The following TMBIM4 variants were observed in gnomAD, a reference collection of about 807,000 sequenced individuals.
TMBIM4 encodes the protein transmembrane BAX inhibitor motif containing 4.
Under a neutral mutation model 27.7 loss-of-function variants are expected in TMBIM4, and 28 were observed. The observed-to-expected ratio is 1.01, with a 90% confidence interval of 0.75 to 1.38. TMBIM4 has a LOEUF of 1.38. Among genes scored for constraint, TMBIM4 ranks in the 40% most tolerant of loss-of-function variants. TMBIM4 has a pLI of 0.00. For synonymous variants in TMBIM4, 115 were observed against 113.1 expected (o/e 1.02, Z -0.11); for missense variants, 265 against 277.5 (o/e 0.95, Z 0.32).
At chr12:66,144,606 A>G (rs2051721317) in intron 5 of TMBIM4, 1 of 152,168 alleles carries the variant, frequency 6.6e-6, no homozygotes, top group Non-Finnish European at 1.5e-5. Flanking sequence ...TTTAGTTTCA[A>G]GTGGACCCAA....
chr12:66,157,285 G>C (rs993778031), intron 1 of TMBIM4, among the ~76,000 whole-genome samples: 15 of 152,050 alleles, frequency 9.9e-5, no homozygotes, highest in South Asian at 2.1e-4. Flanking sequence ...AGGAAAGTGA[G>C]GTCTCCTGCC....
intron 1 of TMBIM4, among the ~76,000 whole-genome samples, chr12:66,165,100 T>C (rs1008095689): frequency 5.9e-5 from 9 of 152,218 alleles, no homozygotes; most frequent in African/African-American, 9.6e-5. Context: ...TCCATCATTA[T>C]ACATTGGAAA....
At chr12:66,166,061 TC>T (rs2052121164) in intron 1 of TMBIM4, among the ~76,000 whole-genome samples, 1 of 152,218 alleles carries the variant, frequency 6.6e-6, no homozygotes, top group Admixed American at 6.5e-5. Context: ...AGGACTTCGA[TC>T]TTTTTTGAGG....
chr12:66,163,592 A>T (rs12814331), intron 1 of TMBIM4, among the ~76,000 whole-genome samples: 11,307 of 152,192 alleles, frequency 0.074, 841 homozygotes, highest in East Asian at 0.44. Flanking sequence ...CAAGAACAGC[A>T]TGAAGGTAAC....
chr12:66,158,097 G>A (rs1592550073), intron 1 of TMBIM4, among the ~76,000 whole-genome samples: 2 of 151,804 alleles, frequency 1.3e-5, no homozygotes, highest in East Asian at 3.9e-4. Flanking sequence ...GTGGTGGCGG[G>A]CGCCTGTAGT....
At chr12:66,164,109 T>G (rs1349590174) in intron 1 of TMBIM4, among the ~76,000 whole-genome samples, 1 of 152,184 alleles carries the variant, frequency 6.6e-6, no homozygotes, top group African/African-American at 2.4e-5. Flanking sequence ...GAAAAAGCTT[T>G]TGACAAAATT....
chr12:66,146,780 A>G (rs998018264), intron 4 of TMBIM4, among the ~76,000 whole-genome samples: 1 of 152,144 alleles, frequency 6.6e-6, no homozygotes, highest in Non-Finnish European at 1.5e-5. Context: ...TAAATGCTAC[A>G]TGATTGGAAT....
intron 5 of TMBIM4, among the ~76,000 whole-genome samples, chr12:66,144,981 A>G (rs956049035): frequency 2.6e-5 from 4 of 152,148 alleles, no homozygotes; most frequent in Non-Finnish European, 5.9e-5. Flanking sequence ...TGGGTTGAGA[A>G]GAGGAAGTAG....
intron 1 of TMBIM4, among the ~76,000 whole-genome samples, chr12:66,155,673 C>G (rs915772380): frequency 1.3e-5 from 2 of 152,042 alleles, no homozygotes; most frequent in Non-Finnish European, 2.9e-5. Flanking sequence ...TTATGTACCT[C>G]ATATAACTCA....
At position 66,161,855 on chromosome 12, in the gene TMBIM4, A is replaced by G. The variant is rs148883193; in HGVS notation, c.97+8000T>C. ...AATCACAGCTCTTTGGGAGGCCAAC[A>G]TTGGAGGAGTATTTAAAATAAAATA... On this transcript the variant is annotated intron_variant, in intron 1 of 6. Coordinates refer to ENST00000358230, the MANE Select transcript of TMBIM4 (RefSeq NM_016056.4). Among the ~76,000 whole-genome samples the G allele has an allele frequency of 5.9e-3, 898 of 152,282 alleles. 7 individuals are homozygous for G. The highest frequency in any genetic ancestry group is 8.0e-3 in the Non-Finnish European group (547 of 68,016).
chr12:66,138,367 T>C (rs2051612700), intron 6 of TMBIM4: 1 of 744,378 alleles, frequency 1.3e-6, no homozygotes, highest in East Asian at 1.3e-4. Context: ...AGTGGTTATA[T>C]TCCATTAAAC....
intron 1 of TMBIM4, among the ~76,000 whole-genome samples, chr12:66,153,898 T>C (rs1468077700): frequency 6.6e-6 from 1 of 152,128 alleles, no homozygotes. Flanking sequence ...AAATGAAACT[T>C]ATCCTGAAAA....
In TMBIM4 at chr12:66,137,311, C is replaced by A. The variant is rs1421913884; in HGVS notation, c.*649G>T. 2.0e-5 allele frequency: 3 copies of A among 152,004 alleles called. No homozygotes were observed. The highest frequency in any genetic ancestry group is 2.0e-4 in the Admixed American group (3 of 15,260). The allele number at this position is 152,004 out of a possible 1,614,324, so 9.4% of individuals were successfully genotyped here. ...GGAAAATTTAGATAAAATCACTAGA[C>A]AACGGTAAACTGATATTCTTATCTA... On this transcript the variant is annotated 3_prime_UTR_variant, in exon 7 of 7. Transcript: ENST00000358230.
At chr12:66,161,307 C>T (rs528478981) in intron 1 of TMBIM4, 4 of 152,508 alleles carry the variant, frequency 2.6e-5, no homozygotes, top group Non-Finnish European at 5.9e-5. Flanking sequence ...GTGGCGCGAT[C>T]TCGGCTCACT....
intron 1 of TMBIM4, chr12:66,169,328 C>T (rs2052191458): frequency 4.3e-6 from 3 of 690,244 alleles, no homozygotes; most frequent in Non-Finnish European, 7.9e-6. Context: ...CTCAATAATC[C>T]TCAAAGACCT....
At chr12:66,143,805 C>T (rs1421393997) in intron 5 of TMBIM4, among the ~76,000 whole-genome samples, 1 of 152,092 alleles carries the variant, frequency 6.6e-6, no homozygotes, top group Non-Finnish European at 1.5e-5. Context: ...AAAATCTTTT[C>T]CCTCGGTCTT....
At chr12:66,141,527 G>C (rs888083730) in intron 5 of TMBIM4, among the ~76,000 whole-genome samples, 17 of 151,832 alleles carry the variant, frequency 1.1e-4, no homozygotes, top group Admixed American at 2.0e-4. Context: ...ACTAAAAGCA[G>C]AGGTGGTCAG....
intron 1 of TMBIM4, 92 bp downstream of exon 1, chr12:66,169,763 T>G: frequency 9.8e-7 from 1 of 1,018,848 alleles, no homozygotes; most frequent in Non-Finnish European, 1.4e-6. Flanking sequence ...TCCCAGGAGA[T>G]GGCCGCTCTC....
At chr12:66,150,845 A>G (rs1052347535) in intron 3 of TMBIM4, among the ~76,000 whole-genome samples, 5 of 152,212 alleles carry the variant, frequency 3.3e-5, no homozygotes, top group African/African-American at 1.2e-4. Context: ...AAAACAATGT[A>G]TAAGGACAAC....
Sources: allele counts gnomAD v4.1 joint callset (sites outside exome capture counted in the v4.1 genomes callset), GRCh38; gene constraint gnomAD v4.1.1; transcripts MANE v1.5; gene names NCBI Gene and HGNC (gene_info 2026-07-23, HGNC 2026-07-21).